MGST2: variants seen among roughly 807,000 people sequenced by gnomAD.
The protein encoded by MGST2 is glutathione peroxidase MGST2.
Under a neutral mutation model 16.6 loss-of-function variants are expected in MGST2, and 9 were observed. That is an observed-to-expected ratio of 0.54 (90% CI 0.33 to 0.95). The LOEUF (loss-of-function observed/expected upper bound fraction) is 0.95, where lower values mean the gene tolerates loss of function less well. MGST2 is among the 40% of genes least tolerant of loss of function. MGST2 has a pLI of 0.03. For synonymous variants in MGST2, 79 were observed against 68.0 expected (o/e 1.16, Z -0.79); for missense variants, 159 against 175.1 (o/e 0.91, Z 0.52).
intron 5 of MGST2, chr4:139,720,353 C>A: frequency 6.6e-7 from 1 of 1,505,646 alleles, no homozygotes; most frequent in South Asian, 1.3e-5. Flanking sequence ...ACATACCACT[C>A]ACTCTTCTCC....
the MGST2 span, among the ~76,000 whole-genome samples, chr4:139,753,507 G>A: frequency 6.6e-6 from 1 of 152,106 alleles, no homozygotes; most frequent in African/African-American, 2.4e-5. Context: ...GAGTTTCAGA[G>A]GCTGGTAGGA....
intron 5 of MGST2, among the ~76,000 whole-genome samples, chr4:139,728,399 A>G (rs1728564485): frequency 6.6e-6 from 1 of 152,160 alleles, no homozygotes; most frequent in Non-Finnish European, 1.5e-5. Flanking sequence ...GCCCCCACAT[A>G]CATGTGTGCA....
At chr4:139,720,238 G>A in intron 5 of MGST2, 1 of 1,608,594 alleles carries the variant, frequency 6.2e-7, no homozygotes, top group South Asian at 1.1e-5. Context: ...TTCCCATCAT[G>A]CCTGCGTTCT....
At chr4:139,666,123 T>C (rs113728372) in intron 1 of MGST2, 46 bp downstream of exon 1, 52 of 1,015,706 alleles carry the variant, frequency 5.1e-5, no homozygotes, top group African/African-American at 2.1e-4. Flanking sequence ...TGTGCGTGTG[T>C]GTGTGTGTGT....
chr4:139,666,739 G>A (rs1415649841), intron 1 of MGST2, among the ~76,000 whole-genome samples: 1 of 152,188 alleles, frequency 6.6e-6, no homozygotes, highest in Non-Finnish European at 1.5e-5. Context: ...CTGGGGAAAG[G>A]GGTCCGAGTG....
At chr4:139,696,450 G>A (rs1396007642) in intron 3 of MGST2, among the ~76,000 whole-genome samples, 6 of 152,324 alleles carry the variant, frequency 3.9e-5, no homozygotes, top group Admixed American at 1.3e-4. Flanking sequence ...ATTGTCTAAT[G>A]TCAATTTGTT....
chr4:139,684,744 T>C (rs766087511), intron 2 of MGST2, among the ~76,000 whole-genome samples: 1 of 152,150 alleles, frequency 6.6e-6, no homozygotes, highest in Non-Finnish European at 1.5e-5. Flanking sequence ...GAGAGTGCAG[T>C]AGTAAAGACA....
chr4:139,733,243 C>A (rs1483744509), intron 5 of MGST2, among the ~76,000 whole-genome samples: 1 of 152,104 alleles, frequency 6.6e-6, no homozygotes, highest in Admixed American at 6.5e-5. Flanking sequence ...TTGATACTTT[C>A]CAGTTTTGAT....
At chr4:139,698,365 G>C in intron 3 of MGST2, 1 of 1,608,106 alleles carries the variant, frequency 6.2e-7, no homozygotes, top group Non-Finnish European at 8.5e-7. Flanking sequence ...GGAAGTTTGC[G>C]AACCAGAAGT....
downstream of MGST2, among the ~76,000 whole-genome samples, chr4:139,706,673 A>AACAC (rs1220897029): frequency 6.6e-6 from 1 of 152,024 alleles, no homozygotes; most frequent in South Asian, 2.1e-4. Context: ...GGCAGGGTAA[A>AACAC]ACACACACAT....
intron 5 of MGST2, chr4:139,730,741 G>T: frequency 7.2e-7 from 1 of 1,385,720 alleles, no homozygotes; most frequent in Non-Finnish European, 9.9e-7. Context: ...GAAGCCCCTG[G>T]AAAAAGGGAA....
intron 1 of MGST2, among the ~76,000 whole-genome samples, chr4:139,668,067 T>C (rs1232756059): frequency 1.3e-5 from 2 of 152,180 alleles, no homozygotes; most frequent in African/African-American, 4.8e-5. Flanking sequence ...GTACATTAGT[T>C]TGGTCCCAAA....
At chr4:139,707,330 C>T (rs1286045815), downstream of MGST2, among the ~76,000 whole-genome samples, 1 of 152,110 alleles carries the variant, frequency 6.6e-6, no homozygotes, top group African/African-American at 2.4e-5. Context: ...TGATAGTTTG[C>T]TGAGAATGAT....
the MGST2 span, among the ~76,000 whole-genome samples, chr4:139,749,891 C>CG: frequency 1.9e-3 from 253 of 132,146 alleles, 1 homozygote; most frequent in African/African-American, 6.6e-3. Context: ...AAGAACCCCC[C>CG]CCCACCCTAT....
rs374148622 is a variant in MGST2 at position 139,666,025 on chromosome 4, C to G, written c.6C>G (p.Ala2=). 8 of 1,614,024 alleles carry G rather than the reference C, an allele frequency of 5.0e-6. No homozygotes were observed. Among genetic ancestry groups the G allele is most frequent in the Non-Finnish European group, 6.8e-6 (8 of 1,180,000 alleles). M[A]GNSILLAAVS... is the part of the protein sequence containing the mutation. ...CAAATAGTTCCGTGAGAAAGATGGCCGGGAACTCGATCCTGCTGGCTGCTG... is the reference window on the plus strand; with the variant it reads ...CAAATAGTTCCGTGAGAAAGATGGCGGGGAACTCGATCCTGCTGGCTGCTG... The change falls in exon 1 of 5, where the codon GCC becomes GCG. Residue 2 remains alanine (A), a synonymous_variant. Transcript: ENST00000265498.
intron 1 of MGST2, among the ~76,000 whole-genome samples, chr4:139,678,312 C>T (rs950425530): frequency 1.3e-5 from 2 of 152,188 alleles, no homozygotes; most frequent in African/African-American, 4.8e-5. Context: ...AGACTCCCTT[C>T]CAAACTGTTT....
intron 1 of MGST2, among the ~76,000 whole-genome samples, chr4:139,675,782 G>C (rs1730927004): frequency 6.6e-6 from 1 of 152,176 alleles, no homozygotes; most frequent in Non-Finnish European, 1.5e-5. Flanking sequence ...GGGGTAATTT[G>C]GTCCATATTA....
At position 139,665,955 on chromosome 4, in the gene MGST2, A is replaced by G. The variant is rs1579277377; in HGVS notation, c.-65A>G. The G allele has an allele frequency of 6.6e-7, 1 of 1,523,312 alleles. No individual in the cohort carries two copies. The highest frequency in any genetic ancestry group is 9.1e-7 in the Non-Finnish European group (1 of 1,098,630). 94.4% of individuals were successfully genotyped at this position (1,523,312 alleles called of 1,614,324 possible). On this transcript the variant is annotated 5_prime_UTR_variant, in exon 1 of 5. Transcript: ENST00000265498. ...CTTTGTTTACCCGATAAGGAAGGTCAGCATTCAAAGTCAAGAAGCGCCATT... is the reference window on the plus strand; with the variant it reads ...CTTTGTTTACCCGATAAGGAAGGTCGGCATTCAAAGTCAAGAAGCGCCATT...
At chr4:139,722,441 G>A (rs969393798) in intron 5 of MGST2, among the ~76,000 whole-genome samples, 4 of 152,092 alleles carry the variant, frequency 2.6e-5, no homozygotes, top group Non-Finnish European at 5.9e-5. Flanking sequence ...TACTACATGT[G>A]TTAAACAACA....
Sources: allele counts gnomAD v4.1 joint callset (sites outside exome capture counted in the v4.1 genomes callset), GRCh38; gene constraint gnomAD v4.1.1; transcripts MANE v1.5; gene names NCBI Gene and HGNC (gene_info 2026-07-23, HGNC 2026-07-21).